HMBOX1: variants seen among roughly 807,000 people sequenced by gnomAD.
HMBOX1 encodes the protein homeobox containing 1.
Under a neutral mutation model 54.5 loss-of-function variants are expected in HMBOX1, and 14 were observed. That is an observed-to-expected ratio of 0.26 (90% CI 0.17 to 0.40). The LOEUF (loss-of-function observed/expected upper bound fraction) is 0.40. Among genes scored for constraint, HMBOX1 ranks in the 10% least tolerant of loss-of-function variants. The pLI is 1.00. For synonymous variants in HMBOX1, 160 were observed against 181.0 expected (o/e 0.88, Z 0.93); for missense variants, 332 against 514.4 (o/e 0.65, Z 3.43).
intron 1 of HMBOX1, among the ~76,000 whole-genome samples, chr8:28,902,928 T>A (rs1813507293): frequency 6.6e-6 from 1 of 152,234 alleles, no homozygotes; most frequent in African/African-American, 2.4e-5. Flanking sequence ...GTTAATAATT[T>A]GCTTTGCTTT....
intron 5 of HMBOX1, among the ~76,000 whole-genome samples, chr8:29,013,832 A>G (rs1324154517): frequency 2.0e-5 from 3 of 152,262 alleles, no homozygotes; most frequent in African/African-American, 4.8e-5. Flanking sequence ...TTTAAACATT[A>G]CTATAGCAGA....
chr8:28,922,635 G>A (rs1158426565), intron 1 of HMBOX1, among the ~76,000 whole-genome samples: 1 of 152,032 alleles, frequency 6.6e-6, no homozygotes, highest in Non-Finnish European at 1.5e-5. Context: ...CATAATTTCA[G>A]ACAGTTCTCA....
chr8:29,018,708 T>C (rs1800713167), intron 5 of HMBOX1, 52 bp from the exon 6 acceptor site: 1 of 1,574,448 alleles, frequency 6.4e-7, no homozygotes, highest in South Asian at 1.1e-5. Context: ...AGATGTTATA[T>C]TGTTTTAAAT....
intron 1 of HMBOX1, among the ~76,000 whole-genome samples, chr8:28,952,544 A>C (rs1586045970): frequency 6.6e-6 from 1 of 152,240 alleles, no homozygotes; most frequent in Non-Finnish European, 1.5e-5. Flanking sequence ...AGGACTAAGA[A>C]TATTTAACAT....
chr8:28,986,904 C>CCAGCCTTCACCACAT (rs1229260810), intron 4 of HMBOX1, among the ~76,000 whole-genome samples: 4 of 152,036 alleles, frequency 2.6e-5, no homozygotes, highest in Non-Finnish European at 2.9e-5. Flanking sequence ...CATCCAAATG[C>CCAGCCTTCACCACAT]CCATATTTTC....
chr8:29,000,336 G>A (rs1447751822), intron 4 of HMBOX1, among the ~76,000 whole-genome samples: 1 of 152,136 alleles, frequency 6.6e-6, no homozygotes, highest in Non-Finnish European at 1.5e-5. Flanking sequence ...AGAGCTTCGA[G>A]CCTTCACGGG....
upstream of HMBOX1, chr8:28,890,198 T>C (rs896267867): frequency 2.6e-5 from 10 of 382,706 alleles, no homozygotes. Context: ...CTGGGGCCCA[T>C]GGTGTTCTGG....
rs1800732108 is a variant in HMBOX1, at chr8:29,018,830, A to G, written c.768A>G (p.Pro256=). 1 of 1,614,014 alleles carries G rather than the reference A, an allele frequency of 6.2e-7. No individual in the cohort carries two copies. The highest frequency in any genetic ancestry group is 1.3e-5 in the African/African-American group (1 of 74,938). The change falls in exon 6 of 10, where the codon CCA becomes CCG. Residue 256 remains proline (P), a synonymous_variant. Transcript: ENST00000287701. ...EDPEWRQTPP[P]VSATSGTFRL... is the part of the protein sequence containing the mutation. Reference sequence around the variant, plus strand: ...CTGAATGGAGACAAACGCCTCCCCCAGTCTCTGCCACATCTGGTACTTTCC... The same window carrying G: ...CTGAATGGAGACAAACGCCTCCCCCGGTCTCTGCCACATCTGGTACTTTCC...
intron 1 of HMBOX1, among the ~76,000 whole-genome samples, chr8:28,894,007 CT>C (rs1183072614): frequency 6.6e-6 from 1 of 152,208 alleles, no homozygotes; most frequent in Non-Finnish European, 1.5e-5. Context: ...TACCACTCAA[CT>C]TTTTAAATAC....
chr8:29,033,575 T>A (rs1803365095), intron 6 of HMBOX1, among the ~76,000 whole-genome samples: 1 of 152,230 alleles, frequency 6.6e-6, no homozygotes. Flanking sequence ...GGTTCCTTTT[T>A]GGTCAAACAG....
intron 1 of HMBOX1, among the ~76,000 whole-genome samples, chr8:28,904,338 C>T (rs140718707): frequency 1.7e-3 from 253 of 151,254 alleles, no homozygotes; most frequent in African/African-American, 5.5e-3. Context: ...ACCTCCGCCT[C>T]GCGGGTTCAA....
chr8:28,991,490 A>T (rs1217577666), intron 4 of HMBOX1, among the ~76,000 whole-genome samples: 1 of 152,182 alleles, frequency 6.6e-6, no homozygotes, highest in African/African-American at 2.4e-5. Flanking sequence ...TCCCAAACAG[A>T]TTCATGAACA....
intron 2 of HMBOX1, among the ~76,000 whole-genome samples, chr8:28,965,777 A>G (rs1030168164): frequency 1.3e-5 from 2 of 152,190 alleles, no homozygotes; most frequent in African/African-American, 4.8e-5. Flanking sequence ...AGTGTCTGTT[A>G]AGCTCTTGAG....
At chr8:28,913,436 G>A (rs1038719918) in intron 1 of HMBOX1, among the ~76,000 whole-genome samples, 11 of 151,820 alleles carry the variant, frequency 7.2e-5, no homozygotes, top group African/African-American at 2.2e-4. Flanking sequence ...CTCCCACCTC[G>A]CCTTCACCAT....
chr8:28,949,351 C>T (rs1448791935), intron 1 of HMBOX1, among the ~76,000 whole-genome samples: 4 of 152,142 alleles, frequency 2.6e-5, no homozygotes, highest in African/African-American at 9.7e-5. Flanking sequence ...GCCTGCAAGG[C>T]ACTGTGATGT....
intron 5 of HMBOX1, among the ~76,000 whole-genome samples, chr8:29,010,346 G>T (rs1834061635): frequency 6.6e-6 from 1 of 152,094 alleles, no homozygotes; most frequent in Non-Finnish European, 1.5e-5. Context: ...GGTCACTTGA[G>T]GCCAGTTCAA....
intron 6 of HMBOX1, among the ~76,000 whole-genome samples, chr8:29,029,021 T>C (rs1802499208): frequency 2.6e-5 from 4 of 152,186 alleles, no homozygotes; most frequent in Admixed American, 2.6e-4. Context: ...TCTTCTTGTT[T>C]GCTTTATATA....
At chr8:28,976,908 C>T (rs1199770177) in intron 3 of HMBOX1, among the ~76,000 whole-genome samples, 5 of 151,944 alleles carry the variant, frequency 3.3e-5, no homozygotes, top group Non-Finnish European at 7.4e-5. Flanking sequence ...GAGGTCTCAT[C>T]ATGTTGGCCA....
intron 6 of HMBOX1, chr8:29,042,818 A>G: frequency 2.5e-6 from 1 of 398,254 alleles, no homozygotes. Flanking sequence ...TGAGAGGTGA[A>G]GCCCAAAGAG....
Sources: gnomAD v4.1 joint callset for allele counts (sites outside exome capture counted in the v4.1 genomes callset) on GRCh38, gnomAD v4.1.1 for gene constraint, MANE v1.5 for transcripts, NCBI Gene and HGNC (gene_info 2026-07-23, HGNC 2026-07-21) for gene names.